NBEA: variants seen among roughly 807,000 people sequenced by gnomAD.
NBEA encodes neurobeachin.
Under a neutral mutation model 343.4 loss-of-function variants are expected in NBEA, and 44 were observed. The ratio of observed to expected loss-of-function variants is 0.13; its 90% CI spans 0.10 to 0.16. The LOEUF (loss-of-function observed/expected upper bound fraction) is 0.16. Among genes scored for constraint, NBEA ranks in the 10% least tolerant of loss-of-function variants. The pLI is 1.00. For missense variants in NBEA, 2,555 were observed against 3,631.3 expected (o/e 0.70, Z 7.62); for synonymous variants, 1,175 against 1,238.7 (o/e 0.95, Z 1.08).
chr13:35,149,209 T>C (rs2068621184), intron 18 of NBEA, among the ~76,000 whole-genome samples: 2 of 152,182 alleles, frequency 1.3e-5, no homozygotes, highest in Admixed American at 1.3e-4. Context: ...CAGAACTGAA[T>C]AAGTACTAAC....
At chr13:35,371,856 A>G (rs1008992547) in intron 38 of NBEA, among the ~76,000 whole-genome samples, 2 of 152,168 alleles carry the variant, frequency 1.3e-5, no homozygotes, top group Non-Finnish European at 2.9e-5. Context: ...TACTCTCTAT[A>G]TAATTTCTTA....
intron 41 of NBEA, among the ~76,000 whole-genome samples, chr13:35,523,098 C>T (rs190846590): frequency 2.0e-5 from 3 of 152,252 alleles, no homozygotes; most frequent in African/African-American, 7.2e-5. Flanking sequence ...TGTTGCCATC[C>T]ACTAAGATAA....
chr13:35,298,852 T>G (rs2152824223), intron 35 of NBEA, among the ~76,000 whole-genome samples: 1 of 152,216 alleles, frequency 6.6e-6, no homozygotes, highest in Non-Finnish European at 1.5e-5. Context: ...GATCATTCAT[T>G]ATTCATTTCT....
chr13:35,261,784 C>T (rs1206711018), intron 34 of NBEA, among the ~76,000 whole-genome samples: 2 of 152,046 alleles, frequency 1.3e-5, no homozygotes, highest in Non-Finnish European at 2.9e-5. Context: ...GTTTAATATA[C>T]ATGGAATTGG....
At chr13:34,998,291 G>T (rs1372634560) in intron 1 of NBEA, among the ~76,000 whole-genome samples, 1 of 152,168 alleles carries the variant, frequency 6.6e-6, no homozygotes, top group East Asian at 1.9e-4. Context: ...TGGAGGCAGG[G>T]TGAGATCACA....
chr13:35,002,840 A>C (rs1472208305), intron 1 of NBEA, among the ~76,000 whole-genome samples: 4 of 152,114 alleles, frequency 2.6e-5, no homozygotes, highest in African/African-American at 9.7e-5. Context: ...TCCCCACAAA[A>C]AGTTGCCGAG....
intron 31 of NBEA, among the ~76,000 whole-genome samples, chr13:35,206,211 C>T (rs1314854910): frequency 2.0e-5 from 3 of 152,188 alleles, no homozygotes; most frequent in East Asian, 3.9e-4. Flanking sequence ...ACTTATTTCT[C>T]ATAGCTTCCA....
chr13:35,113,970 C>T (rs1013625114), intron 13 of NBEA, among the ~76,000 whole-genome samples: 3 of 152,030 alleles, frequency 2.0e-5, no homozygotes, highest in Non-Finnish European at 4.4e-5. Context: ...GGACAAATGC[C>T]CATAAGTTTT....
chr13:35,555,095 T>G lies in NBEA; in HGVS notation c.6915T>G (p.Thr2305=). 1 of 1,557,346 alleles carries G rather than the reference T, an allele frequency of 6.4e-7. No individual in the cohort carries two copies. ...TCGAATATTTGATGTTCCTTAATAC[T>G]ATTGCAGGTAAGATGTCTCATTCTT... ...SNFEYLMFLN[T]IAGRTYNDLN... Residue 2305 remains threonine (T), a synonymous_variant, in exon 44 of 59, where the codon ACT becomes ACG. Transcript: ENST00000379939.
At chr13:35,571,589 G>T (rs1270458562) in intron 45 of NBEA, among the ~76,000 whole-genome samples, 1 of 152,144 alleles carries the variant, frequency 6.6e-6, no homozygotes, top group Non-Finnish European at 1.5e-5. Context: ...CACAGAAGTG[G>T]CATTCAGTGA....
At chr13:35,500,507 T>G (rs547582121) in intron 41 of NBEA, among the ~76,000 whole-genome samples, 1 of 152,170 alleles carries the variant, frequency 6.6e-6, no homozygotes, top group Non-Finnish European at 1.5e-5. Context: ...TCAGCTGGTA[T>G]ATAGTTGTTT....
intron 8 of NBEA, among the ~76,000 whole-genome samples, chr13:35,064,648 G>C (rs2063585221): frequency 1.3e-5 from 2 of 151,958 alleles, no homozygotes; most frequent in African/African-American, 4.8e-5. Context: ...TAATCTGACT[G>C]TTTTTGGAGA....
intron 1 of NBEA, among the ~76,000 whole-genome samples, chr13:35,030,321 C>T (rs908847142): frequency 1.3e-5 from 2 of 151,552 alleles, no homozygotes; most frequent in Non-Finnish European, 3.0e-5. Context: ...TCATTTCTTA[C>T]CCATAAAAAT....
At chr13:34,958,024 A>G (rs979037584) in intron 1 of NBEA, among the ~76,000 whole-genome samples, 1 of 152,118 alleles carries the variant, frequency 6.6e-6, no homozygotes, top group African/African-American at 2.4e-5. Context: ...AATGAATTTC[A>G]AAGACTTAGT....
chr13:35,231,681 G>T (rs538542499), intron 33 of NBEA, among the ~76,000 whole-genome samples: 1 of 152,112 alleles, frequency 6.6e-6, no homozygotes, highest in African/African-American at 2.4e-5. Flanking sequence ...AATCCTCACT[G>T]GGTAGGTACT....
At chr13:35,124,554 A>G (rs2066982909) in intron 17 of NBEA, among the ~76,000 whole-genome samples, 1 of 150,086 alleles carries the variant, frequency 6.7e-6, no homozygotes, top group Non-Finnish European at 1.5e-5. Flanking sequence ...ATATATATAT[A>G]CATACACATA....
intron 41 of NBEA, among the ~76,000 whole-genome samples, chr13:35,542,164 C>A (rs1290250378): frequency 6.8e-6 from 1 of 147,630 alleles, no homozygotes; most frequent in Non-Finnish European, 1.5e-5. Flanking sequence ...CCCCCCCCCA[C>A]CGCATACCCA....
chr13:35,285,233 A>T (rs2035342504), intron 34 of NBEA, among the ~76,000 whole-genome samples: 1 of 152,094 alleles, frequency 6.6e-6, no homozygotes, highest in African/African-American at 2.4e-5. Context: ...AGTTCACATC[A>T]GCTTGGGAAA....
intron 45 of NBEA, among the ~76,000 whole-genome samples, chr13:35,576,437 G>T (rs1216221110): frequency 6.6e-6 from 1 of 151,826 alleles, no homozygotes; most frequent in Non-Finnish European, 1.5e-5. Context: ...ATTTATATTT[G>T]GAAATATTTG....
Sources: gnomAD v4.1 joint callset for allele counts (sites outside exome capture counted in the v4.1 genomes callset) on GRCh38, gnomAD v4.1.1 for gene constraint, MANE v1.5 for transcripts, NCBI Gene and HGNC (gene_info 2026-07-23, HGNC 2026-07-21) for gene names.